ADAM23: variants seen among roughly 807,000 people sequenced by gnomAD.
ADAM23 encodes the protein disintegrin and metalloproteinase domain-containing protein 23.
In ADAM23, 33 loss-of-function variants were observed where a neutral mutation model predicts 120.1. The observed-to-expected ratio is 0.27, with a 90% CI of 0.21 to 0.37. The LOEUF is 0.37. Ranked by LOEUF, ADAM23 falls within the 10% of genes least tolerant of loss-of-function variation. The pLI is 1.00. For synonymous variants in ADAM23, 367 were observed against 375.2 expected, an observed-to-expected ratio of 0.98 and a Z score of 0.25; for missense variants, 862 against 1,058.2, an observed-to-expected ratio of 0.81 and a Z score of 2.57.
In ADAM23 at chr2:206,610,452, A is replaced by G. The variant is rs182645041; in HGVS notation, c.2450+452A>G. Among the ~76,000 whole-genome samples the G allele has an allele frequency of 3.8e-3, 581 of 152,348 alleles. 2 individuals are homozygous for G. Among genetic ancestry groups the G allele is most frequent in the Non-Finnish European group, 6.5e-3 (440 of 68,032 alleles). ...ATTACTTGTATTTTTCATATGTAACATAGTATATGTAGCTTTGTGATTTGA... is the reference window on the plus strand; with the variant it reads ...ATTACTTGTATTTTTCATATGTAACGTAGTATATGTAGCTTTGTGATTTGA... On this transcript the variant is annotated intron_variant, in intron 25 of 25. Coordinates refer to ENST00000264377, the MANE Select transcript of ADAM23 (RefSeq NM_003812.4).
At chr2:206,558,921 T>TTTTGTTTGTTTG (rs71409830) in intron 10 of ADAM23, among the ~76,000 whole-genome samples, 1 of 134,800 alleles carries the variant, frequency 7.4e-6, no homozygotes, top group African/African-American at 3.4e-5. Context: ...ATCCATTGGT[T>TTTTGTTTGTTTG]TTTGTTTGTT....
intron 3 of ADAM23, among the ~76,000 whole-genome samples, chr2:206,488,601 T>C (rs1393199524): frequency 6.6e-6 from 1 of 152,126 alleles, no homozygotes; most frequent in Admixed American, 6.5e-5. Flanking sequence ...AGCTAGAGTT[T>C]TGTCCACTAA....
At chr2:206,460,225 G>A (rs1695387929) in intron 2 of ADAM23, among the ~76,000 whole-genome samples, 1 of 151,842 alleles carries the variant, frequency 6.6e-6, no homozygotes, top group African/African-American at 2.4e-5. Flanking sequence ...TTAAACACAT[G>A]CCCTAGAAAA....
chr2:206,575,324 T>C (rs1698090193), intron 18 of ADAM23, among the ~76,000 whole-genome samples: 1 of 152,212 alleles, frequency 6.6e-6, no homozygotes, highest in Non-Finnish European at 1.5e-5. Flanking sequence ...TCTGACATTA[T>C]TTTAAAAGCA....
intron 3 of ADAM23, among the ~76,000 whole-genome samples, chr2:206,528,141 T>G (rs1442321382): frequency 6.6e-6 from 1 of 152,172 alleles, no homozygotes; most frequent in Non-Finnish European, 1.5e-5. Context: ...TTGAAAATAG[T>G]AAATTACCTG....
intron 3 of ADAM23, among the ~76,000 whole-genome samples, chr2:206,498,345 C>T (rs368025702): frequency 6.6e-6 from 1 of 151,988 alleles, no homozygotes; most frequent in Admixed American, 6.6e-5. Flanking sequence ...GAAATAATGC[C>T]GCATATCTAC....
At chr2:206,608,285 A>G (rs1293377676) in intron 24 of ADAM23, among the ~76,000 whole-genome samples, 1 of 152,220 alleles carries the variant, frequency 6.6e-6, no homozygotes, top group Non-Finnish European at 1.5e-5. Context: ...AAAAGCAGAC[A>G]GTGGGGCTAG....
At chr2:206,604,891 T>C (rs1476179949) in intron 24 of ADAM23, among the ~76,000 whole-genome samples, 6 of 152,238 alleles carry the variant, frequency 3.9e-5, no homozygotes, top group Admixed American at 3.9e-4. Context: ...TTTTGATTCC[T>C]ATAGAAATAT....
intron 2 of ADAM23, among the ~76,000 whole-genome samples, chr2:206,461,182 C>A (rs922939751): frequency 6.6e-6 from 1 of 151,614 alleles, no homozygotes; most frequent in African/African-American, 2.4e-5. Flanking sequence ...CTGCCTCAAC[C>A]TCCTGAGTAG....
intron 24 of ADAM23, among the ~76,000 whole-genome samples, chr2:206,598,245 A>T (rs1698567346): frequency 1.3e-5 from 2 of 152,064 alleles, no homozygotes; most frequent in African/African-American, 4.8e-5. Context: ...TATTTCCTCA[A>T]GTGATGTATA....
At position 206,536,853 on chromosome 2, in the gene ADAM23, G is replaced by A. The variant is rs183183914; in HGVS notation, c.574-5199G>A. ...CCCGAGTAGCTGGGATTACAGGCAC[G>A]TGCCACCACGCTTGGCTAATTTTCG... On this transcript the variant is annotated intron_variant, in intron 4 of 25. Coordinates refer to ENST00000264377, the MANE Select transcript of ADAM23 (RefSeq NM_003812.4). 1.6e-4 allele frequency among the ~76,000 whole-genome samples: 24 copies of A among 151,856 alleles called. No individual in the cohort carries two copies. The East Asian group carries it at 2.0e-3, about 12-fold the overall frequency.
At chr2:206,475,115 A>G (rs1574486395) in intron 2 of ADAM23, among the ~76,000 whole-genome samples, 2 of 152,162 alleles carry the variant, frequency 1.3e-5, no homozygotes, top group East Asian at 3.8e-4. Flanking sequence ...TCTTTTCTAT[A>G]AAAGGGTAAT....
At chr2:206,459,809 A>G (rs1198478201) in intron 2 of ADAM23, among the ~76,000 whole-genome samples, 1 of 152,036 alleles carries the variant, frequency 6.6e-6, no homozygotes, top group African/African-American at 2.4e-5. Context: ...TAGGCCAAAA[A>G]CCTTTTGCCT....
At chr2:206,611,387 C>G (rs1254141391) in intron 25 of ADAM23, among the ~76,000 whole-genome samples, 1 of 152,074 alleles carries the variant, frequency 6.6e-6, no homozygotes, top group Non-Finnish European at 1.5e-5. Context: ...CATGTGGCAT[C>G]TAGTAAGAAA....
At chr2:206,495,059 A>G (rs1007496950) in intron 3 of ADAM23, among the ~76,000 whole-genome samples, 5 of 152,220 alleles carry the variant, frequency 3.3e-5, no homozygotes, top group East Asian at 1.9e-4. Context: ...AATGGAACCA[A>G]GTTGGAAAAC....
At chr2:206,598,844 G>A (rs1328689609) in intron 24 of ADAM23, among the ~76,000 whole-genome samples, 1 of 152,080 alleles carries the variant, frequency 6.6e-6, no homozygotes, top group Non-Finnish European at 1.5e-5. Context: ...AGGTTGCAGT[G>A]AGCCAAGATC....
intron 3 of ADAM23, among the ~76,000 whole-genome samples, chr2:206,489,685 A>G (rs933164651): frequency 7.9e-5 from 12 of 152,120 alleles, no homozygotes; most frequent in Non-Finnish European, 1.3e-4. Context: ...CTGCTGAGTA[A>G]CATGCGGGCT....
chr2:206,543,889 C>T lies in ADAM23; in HGVS notation c.720+573C>T, dbSNP rs1051434910. Among the ~76,000 whole-genome samples the T allele has an allele frequency of 9.2e-5, 14 of 152,226 alleles. No homozygotes were observed. The South Asian group carries it at 2.9e-3, about 32-fold the overall frequency. ...GTGAAGTAACTCAGGAGTGGAAAAC[C>T]AAACATTGTGTGTTCTCATTCATAT... On this transcript the variant is annotated intron_variant, in intron 6 of 25. Coordinates refer to ENST00000264377, the MANE Select transcript of ADAM23 (RefSeq NM_003812.4).
chr2:206,574,873 C>T (rs1698081495), intron 18 of ADAM23, among the ~76,000 whole-genome samples: 1 of 152,102 alleles, frequency 6.6e-6, no homozygotes, highest in Middle Eastern at 3.2e-3. Flanking sequence ...TTAATTTATA[C>T]ATATTATGTC....
Sources: gnomAD v4.1 joint callset for allele counts (sites outside exome capture counted in the v4.1 genomes callset) on GRCh38, gnomAD v4.1.1 for gene constraint, MANE v1.5 for transcripts, NCBI Gene and HGNC (gene_info 2026-07-23, HGNC 2026-07-21) for gene names.